The following STXBP4 variants were observed in gnomAD, a reference collection of about 807,000 sequenced individuals.
STXBP4 encodes syntaxin binding protein 4, also known as syntaxin-binding protein 4.
STXBP4 carries 55 observed loss-of-function variants against 76.1 expected under a neutral mutation model. That is an observed-to-expected ratio of 0.72 (90% CI 0.58 to 0.91). The LOEUF (loss-of-function observed/expected upper bound fraction) is 0.91, where lower values mean the gene tolerates loss of function less well. Ranked by LOEUF, STXBP4 falls within the 40% of genes least tolerant of loss-of-function variation. STXBP4 has a pLI of 0.00. For missense variants in STXBP4, 618 were observed against 636.9 expected (o/e 0.97, Z 0.32); for synonymous variants, 201 against 220.2 (o/e 0.91, Z 0.77).
downstream of STXBP4, among the ~76,000 whole-genome samples, chr17:55,177,020 G>A (rs965482759): frequency 1.3e-5 from 2 of 152,004 alleles, no homozygotes; most frequent in African/African-American, 2.4e-5. Flanking sequence ...CATCAGACTG[G>A]GACCAAATTA....
At chr17:55,054,845 T>A (rs1234641729) in intron 12 of STXBP4, among the ~76,000 whole-genome samples, 1 of 152,068 alleles carries the variant, frequency 6.6e-6, no homozygotes, top group Non-Finnish European at 1.5e-5. Flanking sequence ...ACTGAGGGCA[T>A]AAGGGGACTT....
At chr17:55,190,342 T>G in the STXBP4 span, among the ~76,000 whole-genome samples, 2 of 152,124 alleles carry the variant, frequency 1.3e-5, no homozygotes, top group Non-Finnish European at 2.9e-5. Context: ...AGCATAGGGG[T>G]GCACAAGACC....
intron 4 of STXBP4, among the ~76,000 whole-genome samples, chr17:54,994,283 T>C (rs1222514286): frequency 6.6e-6 from 1 of 152,168 alleles, no homozygotes; most frequent in Non-Finnish European, 1.5e-5. Context: ...TTCATACCCA[T>C]ATTCAGTTCC....
chr17:55,141,044 A>G (rs2080089372), intron 16 of STXBP4, among the ~76,000 whole-genome samples: 1 of 152,192 alleles, frequency 6.6e-6, no homozygotes, highest in African/African-American at 2.4e-5. Context: ...CCTGCTGACA[A>G]AAATGCTCAC....
In STXBP4 at chr17:55,031,201, GAAC is replaced by G; in HGVS notation, c.705_707del (p.Gln235del). ...TTATCTTGGTATTCAGCCCACAAAG[GAAC>G]AACACCAAGCCCTGAGACAGCAAGT... is the stretch of plus-strand genomic sequence containing the variant. On this transcript the variant is annotated inframe_deletion, in exon 9 of 18. Coordinates refer to ENST00000376352, the MANE Select transcript of STXBP4 (RefSeq NM_178509.6). 1 of 1,613,250 alleles carries G rather than the reference GAAC, an allele frequency of 6.2e-7. No homozygotes were observed. Among genetic ancestry groups the G allele is most frequent in the Non-Finnish European group, 8.5e-7 (1 of 1,179,478 alleles).
chr17:55,019,332 A>G (rs2078263459), intron 8 of STXBP4, among the ~76,000 whole-genome samples: 1 of 151,916 alleles, frequency 6.6e-6, no homozygotes, highest in African/African-American at 2.4e-5. Context: ...TTCTCTTGCT[A>G]TTCTTTTAGT....
the STXBP4 span, among the ~76,000 whole-genome samples, chr17:55,197,432 C>A: frequency 6.6e-6 from 1 of 152,352 alleles, no homozygotes; most frequent in East Asian, 1.9e-4. Flanking sequence ...AGTGGAAATT[C>A]CTGATTTCTT....
chr17:55,205,929 G>C, the STXBP4 span, among the ~76,000 whole-genome samples: 1 of 151,720 alleles, frequency 6.6e-6, no homozygotes, highest in Non-Finnish European at 1.5e-5. Context: ...ATTATTTCTA[G>C]CAGTATAAAA....
intron 8 of STXBP4, among the ~76,000 whole-genome samples, chr17:55,025,879 AGAAATCCTAAG>A (rs1204350804): frequency 2.0e-5 from 3 of 152,238 alleles, no homozygotes; most frequent in Non-Finnish European, 2.9e-5. Flanking sequence ...CTTGTATATA[AGAAATCCTAAG>A]GAATCCACCA....
intron 1 of STXBP4, among the ~76,000 whole-genome samples, chr17:54,980,943 TTTG>T (rs1013370056): frequency 2.0e-5 from 3 of 151,992 alleles, no homozygotes; most frequent in East Asian, 1.9e-4. Flanking sequence ...GCGTTTTTTT[TTTG>T]TTGTTGTTGA....
chr17:55,021,251 G>C (rs1261570419), intron 8 of STXBP4, among the ~76,000 whole-genome samples: 1 of 151,964 alleles, frequency 6.6e-6, no homozygotes, highest in Non-Finnish European at 1.5e-5. Flanking sequence ...GGTGGGCATG[G>C]TGGCTTATGC....
intron 12 of STXBP4, among the ~76,000 whole-genome samples, chr17:55,063,151 A>G (rs948039120): frequency 4.6e-5 from 7 of 152,198 alleles, no homozygotes; most frequent in Admixed American, 1.3e-4. Context: ...GTTTGCGCAG[A>G]CACCAACCAT....
At chr17:55,205,004 G>T in the STXBP4 span, among the ~76,000 whole-genome samples, 1 of 152,050 alleles carries the variant, frequency 6.6e-6, no homozygotes, top group African/African-American at 2.4e-5. Context: ...ACCCTTTTTA[G>T]TAGTTCTTAG....
At position 55,015,976 on chromosome 17, in the gene STXBP4, C is replaced by T. The variant is rs796682521; in HGVS notation, c.666+8379C>T. The stretch of plus-strand genomic sequence containing the variant: ...GGTTTCTCCCCCTTGAAGAGGATAT[C>T]ATGGCCAGGCAGTACTGCAGAAGAA... On this transcript the variant is annotated intron_variant, in intron 8 of 17. Transcript: ENST00000376352. Among the ~76,000 whole-genome samples the T allele has an allele frequency of 1.6e-4, 25 of 152,298 alleles. 1 individual carries two copies. Among genetic ancestry groups the T allele is most frequent in the African/African-American group, 5.8e-4 (24 of 41,544 alleles).
rs190451765 is a variant in STXBP4, at chr17:55,110,973, C to T, written c.1489+29790C>T. 6.6e-5 allele frequency among the ~76,000 whole-genome samples: 10 copies of T among 152,240 alleles called. No homozygotes were observed. The East Asian group carries it at 1.2e-3, about 18-fold the overall frequency. Reference sequence around the variant, plus strand: ...AGACTCATAACTGTACTTCAGGAAACGTTGCCTGGCTAGCACTAGGGTGTA... The same window carrying T: ...AGACTCATAACTGTACTTCAGGAAATGTTGCCTGGCTAGCACTAGGGTGTA... On this transcript the variant is annotated intron_variant, in intron 16 of 17. Transcript: ENST00000376352.
intron 10 of STXBP4, among the ~76,000 whole-genome samples, chr17:55,039,013 C>G (rs1284104159): frequency 6.6e-6 from 1 of 152,150 alleles, no homozygotes; most frequent in East Asian, 1.9e-4. Context: ...TTTATAGCCA[C>G]TTCCCTAACG....
intron 16 of STXBP4, among the ~76,000 whole-genome samples, chr17:55,139,624 A>T (rs244317): frequency 0.2 from 30,994 of 152,076 alleles, 3,769 homozygotes; most frequent in Non-Finnish European, 0.28. Flanking sequence ...GCAGCAGAGC[A>T]GTTTATCATG....
intron 16 of STXBP4, among the ~76,000 whole-genome samples, chr17:55,130,518 C>A (rs1188234981): frequency 6.6e-6 from 1 of 151,838 alleles, no homozygotes; most frequent in Admixed American, 6.6e-5. Context: ...ATACTTATTT[C>A]TTTGTGGTAG....
At chr17:54,969,475 G>A (rs1206056910) in intron 1 of STXBP4, among the ~76,000 whole-genome samples, 1 of 152,158 alleles carries the variant, frequency 6.6e-6, no homozygotes, top group Non-Finnish European at 1.5e-5. Context: ...ATTTTTACCC[G>A]GGTCCTCACC....
Sources: gnomAD v4.1 joint callset for allele counts (sites outside exome capture counted in the v4.1 genomes callset) on GRCh38, gnomAD v4.1.1 for gene constraint, MANE v1.5 for transcripts, NCBI Gene and HGNC (gene_info 2026-07-23, HGNC 2026-07-21) for gene names.